The following SPAG16 variants were observed in gnomAD, a reference collection of about 807,000 sequenced individuals.
The protein encoded by SPAG16 is sperm associated antigen 16.
Under a neutral mutation model 80.4 loss-of-function variants are expected in SPAG16, and 86 were observed. The ratio of observed to expected loss-of-function variants is 1.07; its 90% CI spans 0.90 to 1.28. The LOEUF is 1.28. SPAG16 is among the 50% of genes most tolerant of loss of function. The probability of loss-of-function intolerance (pLI) is 0.00; values close to 1 mark genes in which losing one functional copy is unlikely to be tolerated. For missense variants in SPAG16, 870 were observed against 765.3 expected (o/e 1.14, Z -1.61); for synonymous variants, 294 against 265.9 (o/e 1.11, Z -1.03).
chr2:213,678,180 T>C (rs1574772834), intron 10 of SPAG16, among the ~76,000 whole-genome samples: 1 of 151,860 alleles, frequency 6.6e-6, no homozygotes, highest in African/African-American at 2.4e-5. Flanking sequence ...AGATGCAAAA[T>C]TGACACCCTA....
At chr2:213,565,783 A>C (rs1242888936) in intron 10 of SPAG16, among the ~76,000 whole-genome samples, 1 of 152,216 alleles carries the variant, frequency 6.6e-6, no homozygotes, top group Non-Finnish European at 1.5e-5. Flanking sequence ...ACCAGTTTTG[A>C]ATAAGGTAGG....
chr2:214,141,095 G>T (rs955755224), intron 14 of SPAG16, among the ~76,000 whole-genome samples: 3 of 151,978 alleles, frequency 2.0e-5, no homozygotes, highest in African/African-American at 7.3e-5. Flanking sequence ...ATTTAGATTA[G>T]GTTAGGGTTA....
At chr2:213,445,751 C>A (rs374702226) in intron 9 of SPAG16, among the ~76,000 whole-genome samples, 2 of 152,212 alleles carry the variant, frequency 1.3e-5, no homozygotes, top group East Asian at 3.9e-4. Context: ...CAATAAGATA[C>A]CATCTCACCT....
At chr2:213,907,361 T>C (rs2077472556) in intron 11 of SPAG16, among the ~76,000 whole-genome samples, 1 of 151,796 alleles carries the variant, frequency 6.6e-6, no homozygotes, top group African/African-American at 2.4e-5. Flanking sequence ...ATGGCTATTA[T>C]CAAAGAGAAC....
intron 10 of SPAG16, among the ~76,000 whole-genome samples, chr2:213,662,120 A>G (rs2063448610): frequency 6.6e-6 from 1 of 152,082 alleles, no homozygotes; most frequent in African/African-American, 2.4e-5. Flanking sequence ...TTAGTTGTGA[A>G]CAAATGGTCT....
At chr2:213,672,724 C>T (rs2063860730) in intron 10 of SPAG16, among the ~76,000 whole-genome samples, 1 of 152,016 alleles carries the variant, frequency 6.6e-6, no homozygotes, top group African/African-American at 2.4e-5. Context: ...ATTGCCTCAT[C>T]TTAATGCTTT....
At chr2:213,404,158 A>T (rs1489683503) in intron 9 of SPAG16, among the ~76,000 whole-genome samples, 1 of 152,164 alleles carries the variant, frequency 6.6e-6, no homozygotes, top group African/African-American at 2.4e-5. Context: ...ATTCAATGCC[A>T]TCCCCATCAA....
chr2:214,291,115 C>CT (rs1321797732), intron 15 of SPAG16, among the ~76,000 whole-genome samples: 2 of 151,610 alleles, frequency 1.3e-5, no homozygotes, highest in Non-Finnish European at 2.9e-5. Context: ...ATATAATGGC[C>CT]TTTGTTTTTT....
intron 10 of SPAG16, among the ~76,000 whole-genome samples, chr2:213,554,912 A>C (rs2059379917): frequency 1.3e-5 from 2 of 152,108 alleles, no homozygotes. Flanking sequence ...AAGAGACCAG[A>C]GGTAGAAAGC....
At chr2:213,635,293 C>T (rs2062319114) in intron 10 of SPAG16, among the ~76,000 whole-genome samples, 1 of 152,056 alleles carries the variant, frequency 6.6e-6, no homozygotes, top group Non-Finnish European at 1.5e-5. Context: ...CCTTAGGCTC[C>T]CAAAGTGCTC....
At chr2:213,391,679 G>A (rs2067761920) in intron 9 of SPAG16, among the ~76,000 whole-genome samples, 1 of 152,184 alleles carries the variant, frequency 6.6e-6, no homozygotes, top group Admixed American at 6.5e-5. Flanking sequence ...TTTACTAAGG[G>A]AAGATAAAAG....
At chr2:213,917,199 T>C (rs1229742638) in intron 11 of SPAG16, among the ~76,000 whole-genome samples, 1 of 152,192 alleles carries the variant, frequency 6.6e-6, no homozygotes, top group Non-Finnish European at 1.5e-5. Flanking sequence ...TACAGTTTAG[T>C]CAAGTAATGT....
At chr2:214,142,374 A>G (rs548689195) in intron 14 of SPAG16, among the ~76,000 whole-genome samples, 33 of 152,284 alleles carry the variant, frequency 2.2e-4, no homozygotes, top group Non-Finnish European at 4.0e-4. Flanking sequence ...ATTTTAATCT[A>G]TACAGATCAC....
At chr2:214,092,708 C>T (rs2052303797) in intron 13 of SPAG16, among the ~76,000 whole-genome samples, 1 of 152,008 alleles carries the variant, frequency 6.6e-6, no homozygotes, top group African/African-American at 2.4e-5. Context: ...TCATACCCAA[C>T]CTTCTAAACT....
chr2:213,513,458 G>T (rs1042895772), intron 10 of SPAG16, among the ~76,000 whole-genome samples: 2 of 152,116 alleles, frequency 1.3e-5, no homozygotes, highest in Non-Finnish European at 2.9e-5. Flanking sequence ...GGGCAATGGA[G>T]ATGTTCCTAT....
chr2:213,394,611 T>C (rs906684219), intron 9 of SPAG16, among the ~76,000 whole-genome samples: 1 of 152,176 alleles, frequency 6.6e-6, no homozygotes, highest in African/African-American at 2.4e-5. Flanking sequence ...TGTCCATGCC[T>C]AACCCCAGGA....
intron 12 of SPAG16, among the ~76,000 whole-genome samples, chr2:213,969,719 T>C (rs1242282524): frequency 5.9e-5 from 9 of 152,306 alleles, no homozygotes; most frequent in East Asian, 1.9e-4. Context: ...TAATCCCAGG[T>C]ATTTTGTTAC....
chr2:214,193,171 C>A lies in SPAG16; in HGVS notation c.1720+43905C>A, dbSNP rs530831078. Among the ~76,000 whole-genome samples the A allele has an allele frequency of 5.3e-5, 8 of 152,026 alleles. No homozygotes were observed. The East Asian group carries it at 1.2e-3, about 22-fold the overall frequency. On this transcript the variant is annotated intron_variant, in intron 15 of 15. Transcript: ENST00000331683. ...GCATAATTTCTCAGACATTTCCAAG[C>A]AAAATGGATTTTATCAAAAGGTAAT...
intron 9 of SPAG16, among the ~76,000 whole-genome samples, chr2:213,401,557 A>G (rs774858704): frequency 6.6e-6 from 1 of 151,754 alleles, no homozygotes; most frequent in African/African-American, 2.4e-5. Flanking sequence ...TTAAAAAGCT[A>G]CTCCTTGCAT....
Sources: allele counts gnomAD v4.1 joint callset (sites outside exome capture counted in the v4.1 genomes callset), GRCh38; gene constraint gnomAD v4.1.1; transcripts MANE v1.5; gene names NCBI Gene and HGNC (gene_info 2026-07-23, HGNC 2026-07-21).